Variants in PLPPR1 observed in about 807,000 individuals in gnomAD.
PLPPR1 encodes phospholipid phosphatase related 1, also known as phospholipid phosphatase-related protein type 1.
In PLPPR1, 10 loss-of-function variants were observed where a neutral mutation model predicts 33.1. That is an observed-to-expected ratio of 0.30 (90% confidence interval 0.19 to 0.51). The LOEUF is 0.51. Ranked by LOEUF, PLPPR1 falls within the 20% of genes least tolerant of loss-of-function variation. The probability of loss-of-function intolerance (pLI) is 0.97; values close to 1 mark genes in which losing one functional copy is unlikely to be tolerated. For synonymous variants in PLPPR1, 151 were observed against 151.0 expected (o/e 1.00, Z 0.00); for missense variants, 304 against 408.1 (o/e 0.74, Z 2.20).
At chr9:101,068,442 A>G (rs1056510952) in intron 1 of PLPPR1, among the ~76,000 whole-genome samples, 1 of 152,056 alleles carries the variant, frequency 6.6e-6, no homozygotes, top group African/African-American at 2.4e-5. Context: ...AGCTTTGGAA[A>G]GACCTGGATT....
chr9:101,124,234 C>A (rs1473982536), intron 1 of PLPPR1, among the ~76,000 whole-genome samples: 2 of 152,114 alleles, frequency 1.3e-5, no homozygotes, highest in African/African-American at 4.8e-5. Flanking sequence ...TCTCCCCTTT[C>A]CCTTTTTCAA....
intron 2 of PLPPR1, among the ~76,000 whole-genome samples, chr9:101,261,922 T>C (rs1365019726): frequency 6.6e-6 from 1 of 151,792 alleles, no homozygotes; most frequent in Non-Finnish European, 1.5e-5. Flanking sequence ...CAAACCCCCA[T>C]GACACACATT....
chr9:101,040,758 G>A (rs1029693215), intron 1 of PLPPR1, among the ~76,000 whole-genome samples: 1 of 152,080 alleles, frequency 6.6e-6, no homozygotes, highest in African/African-American at 2.4e-5. Context: ...TTATTCATAT[G>A]TCTGTTTACT....
chr9:101,202,660 G>A (rs1480033833), intron 2 of PLPPR1, among the ~76,000 whole-genome samples: 1 of 152,160 alleles, frequency 6.6e-6, no homozygotes, highest in African/African-American at 2.4e-5. Flanking sequence ...GCTGATACAG[G>A]GTGCATTAAA....
At chr9:101,308,214 T>C (rs960828337) in intron 4 of PLPPR1, among the ~76,000 whole-genome samples, 1 of 152,124 alleles carries the variant, frequency 6.6e-6, no homozygotes, top group African/African-American at 2.4e-5. Flanking sequence ...TCCTGGATTA[T>C]CCAGATATAA....
chr9:101,273,861 T>G (rs1239900120), intron 3 of PLPPR1, among the ~76,000 whole-genome samples: 1 of 152,198 alleles, frequency 6.6e-6, no homozygotes, highest in Non-Finnish European at 1.5e-5. Flanking sequence ...TGACCAAACT[T>G]TAATAAGACT....
At chr9:101,113,568 T>C (rs1403709714) in intron 1 of PLPPR1, among the ~76,000 whole-genome samples, 1 of 151,914 alleles carries the variant, frequency 6.6e-6, no homozygotes, top group Non-Finnish European at 1.5e-5. Context: ...TACAACTTCT[T>C]AAATAGTCTA....
At chr9:101,240,634 G>T (rs575781952) in intron 2 of PLPPR1, among the ~76,000 whole-genome samples, 1 of 152,146 alleles carries the variant, frequency 6.6e-6, no homozygotes, top group South Asian at 2.1e-4. Context: ...CAATCTCACG[G>T]TTCCTTCATA....
At chr9:101,238,095 CATAT>C (rs1176303196) in intron 2 of PLPPR1, among the ~76,000 whole-genome samples, 1 of 132,732 alleles carries the variant, frequency 7.5e-6, no homozygotes, top group African/African-American at 2.8e-5. Context: ...CATATACATA[CATAT>C]ATATAGCCTA....
intron 1 of PLPPR1, among the ~76,000 whole-genome samples, chr9:101,078,324 C>T (rs899716603): frequency 6.7e-6 from 1 of 150,290 alleles, no homozygotes; most frequent in Non-Finnish European, 1.5e-5. Flanking sequence ...AGGTCCTGTT[C>T]AGAGTAGAAT....
At chr9:101,152,426 G>T (rs1359730666) in intron 1 of PLPPR1, among the ~76,000 whole-genome samples, 4 of 152,110 alleles carry the variant, frequency 2.6e-5, no homozygotes, top group African/African-American at 7.2e-5. Flanking sequence ...GTCAATTTTG[G>T]CTTTTGTTGC....
At chr9:101,140,080 G>A (rs551789016) in intron 1 of PLPPR1, among the ~76,000 whole-genome samples, 4 of 152,294 alleles carry the variant, frequency 2.6e-5, no homozygotes, top group Admixed American at 2.6e-4. Flanking sequence ...CCTCAAATGA[G>A]AGGGATAGTA....
intron 2 of PLPPR1, among the ~76,000 whole-genome samples, chr9:101,247,697 G>GA (rs1827636837): frequency 6.6e-6 from 1 of 152,040 alleles, no homozygotes. Context: ...GAAAACACAT[G>GA]AGCTGTGCTG....
chr9:101,294,797 T>A (rs1369568366), intron 4 of PLPPR1, among the ~76,000 whole-genome samples: 4 of 152,088 alleles, frequency 2.6e-5, no homozygotes, highest in South Asian at 4.1e-4. Flanking sequence ...TGATGGGACG[T>A]ATCTCAAAAT....
At position 101,046,184 on chromosome 9, in the gene PLPPR1, C is replaced by T. The variant is rs149910804; in HGVS notation, c.-46+17082C>T. Reference sequence around the variant, plus strand: ...TGGACTTCACCCAGGAGAGTTTCTCCTTGGACATTTTCCCAGTTTTCTGCC... The same window carrying T: ...TGGACTTCACCCAGGAGAGTTTCTCTTTGGACATTTTCCCAGTTTTCTGCC... On this transcript the variant is annotated intron_variant, in intron 1 of 7. Transcript: ENST00000374874. 1.0e-3 allele frequency among the ~76,000 whole-genome samples: 154 copies of T among 152,268 alleles called. 2 individuals carry two copies. The East Asian group carries it at 0.028, about 27-fold the overall frequency.
At chr9:101,283,194 A>C (rs1488921835) in intron 3 of PLPPR1, among the ~76,000 whole-genome samples, 1 of 152,224 alleles carries the variant, frequency 6.6e-6, no homozygotes, top group Non-Finnish European at 1.5e-5. Context: ...CAATCAAAAA[A>C]GACCTAGAAT....
At chr9:101,254,180 TATAAC>T (rs1479520945) in intron 2 of PLPPR1, among the ~76,000 whole-genome samples, 1 of 151,592 alleles carries the variant, frequency 6.6e-6, no homozygotes, top group Admixed American at 6.6e-5. Flanking sequence ...ATTATTAAAA[TATAAC>T]ATATAATGAA....
chr9:101,181,836 T>C (rs2118710601), intron 1 of PLPPR1, among the ~76,000 whole-genome samples: 1 of 147,804 alleles, frequency 6.8e-6, no homozygotes, highest in East Asian at 2.0e-4. Flanking sequence ...AGGTAGTATA[T>C]ATATAGTGTG....
At chr9:101,186,226 C>A (rs568944753) in intron 2 of PLPPR1, among the ~76,000 whole-genome samples, 2 of 151,604 alleles carry the variant, frequency 1.3e-5, no homozygotes, top group Non-Finnish European at 3.0e-5. Context: ...TTAGGAAATT[C>A]GGAAAAAAAC....
Sources: allele counts gnomAD v4.1 joint callset (sites outside exome capture counted in the v4.1 genomes callset), GRCh38; gene constraint gnomAD v4.1.1; transcripts MANE v1.5; gene names NCBI Gene and HGNC (gene_info 2026-07-23, HGNC 2026-07-21).